Variants in SGCZ observed in about 807,000 individuals in gnomAD.
SGCZ encodes sarcoglycan zeta.
A neutral mutation model predicts 41.3 loss-of-function variants in SGCZ; 40 were observed. The ratio of observed to expected loss-of-function variants is 0.97; its 90% CI spans 0.75 to 1.26. The LOEUF (loss-of-function observed/expected upper bound fraction) is 1.26, where lower values mean the gene tolerates loss of function less well. SGCZ is among the 50% of genes most tolerant of loss of function. The probability of loss-of-function intolerance (pLI) is 0.00; values close to 1 mark genes in which losing one functional copy is unlikely to be tolerated. For synonymous variants in SGCZ, 206 were observed against 137.5 expected, an observed-to-expected ratio of 1.50 and a Z score of -3.49; for missense variants, 552 against 369.8, an observed-to-expected ratio of 1.49 and a Z score of -4.04.
At chr8:14,899,983 G>A (rs1436657221) in intron 1 of SGCZ, among the ~76,000 whole-genome samples, 3 of 152,108 alleles carry the variant, frequency 2.0e-5, no homozygotes, top group Admixed American at 6.5e-5. Context: ...AAGGTTTAAC[G>A]TGGGGTGTTA....
intron 1 of SGCZ, among the ~76,000 whole-genome samples, chr8:14,785,400 T>A (rs1800736494): frequency 6.6e-6 from 1 of 152,176 alleles, no homozygotes; most frequent in South Asian, 2.1e-4. Context: ...CTCTGAAATC[T>A]GTATCCATAT....
intron 1 of SGCZ, among the ~76,000 whole-genome samples, chr8:14,707,341 A>G (rs375819102): frequency 3.0e-4 from 45 of 152,146 alleles, no homozygotes; most frequent in African/African-American, 1.0e-3. Context: ...GTATTCAGCC[A>G]TTAGAAAATT....
intron 2 of SGCZ, among the ~76,000 whole-genome samples, chr8:14,347,660 A>G (rs1446084253): frequency 6.6e-6 from 1 of 151,760 alleles, no homozygotes; most frequent in East Asian, 1.9e-4. Context: ...AAATCTCAAG[A>G]TTAAATAAAA....
intron 5 of SGCZ, among the ~76,000 whole-genome samples, chr8:14,112,284 G>T (rs757151749): frequency 3.3e-4 from 23 of 69,198 alleles, no homozygotes; most frequent in African/African-American, 9.5e-4. Context: ...TTTTTTTTGT[G>T]GGGGGGGGGT....
At chr8:14,907,511 G>T (rs146180279) in intron 1 of SGCZ, among the ~76,000 whole-genome samples, 1 of 152,010 alleles carries the variant, frequency 6.6e-6, no homozygotes, top group Non-Finnish European at 1.5e-5. Flanking sequence ...AAGAAGTGCC[G>T]CTTCAACTAT....
intron 1 of SGCZ, among the ~76,000 whole-genome samples, chr8:14,678,136 T>C (rs533508428): frequency 6.6e-6 from 1 of 152,182 alleles, no homozygotes; most frequent in African/African-American, 2.4e-5. Context: ...TTTGGCAATG[T>C]TGACGTAGAT....
At chr8:15,190,719 G>T (rs1193116963) in intron 1 of SGCZ, among the ~76,000 whole-genome samples, 2 of 151,110 alleles carry the variant, frequency 1.3e-5, no homozygotes. Flanking sequence ...ATGGGGTTAG[G>T]TTTGTCAGCA....
chr8:14,287,730 T>A (rs1205343763), intron 3 of SGCZ, among the ~76,000 whole-genome samples: 1 of 152,122 alleles, frequency 6.6e-6, no homozygotes, highest in Non-Finnish European at 1.5e-5. Flanking sequence ...CCCGATTGGA[T>A]TCAGCTGTCA....
intron 2 of SGCZ, among the ~76,000 whole-genome samples, chr8:14,479,745 T>TTTTTA (rs1801476887): frequency 2.9e-5 from 3 of 102,022 alleles, no homozygotes; most frequent in Non-Finnish European, 6.3e-5. Context: ...TTTTTTTTTT[T>TTTTTA]TTTTTTTTTT....
At chr8:14,273,793 T>C (rs1435462827) in intron 3 of SGCZ, among the ~76,000 whole-genome samples, 1 of 152,174 alleles carries the variant, frequency 6.6e-6, no homozygotes, top group Non-Finnish European at 1.5e-5. Flanking sequence ...AGCATCGTAA[T>C]AGCCTCTCGA....
rs151153982 is a variant in SGCZ, at chr8:15,054,612, C to T, written c.39+182973G>A. Reference sequence around the variant, plus strand: ...TTAATACTTGAATGTGTTAGCTCTACCATTCACTAGGTATGTAACCTTTGA... The same window carrying T: ...TTAATACTTGAATGTGTTAGCTCTATCATTCACTAGGTATGTAACCTTTGA... On this transcript the variant is annotated intron_variant, in intron 1 of 7. Transcript: ENST00000382080. Among the ~76,000 whole-genome samples, 590 of 152,250 alleles carry T rather than the reference C, an allele frequency of 3.9e-3. 3 individuals are homozygous for T. Among genetic ancestry groups the T allele is most frequent in the Middle Eastern group, 0.027 (8 of 292 alleles).
chr8:14,649,535 T>G (rs528661308), intron 1 of SGCZ, among the ~76,000 whole-genome samples: 87 of 152,212 alleles, frequency 5.7e-4, no homozygotes, highest in African/African-American at 2.0e-3. Flanking sequence ...AGCCTGTATC[T>G]GAGATAGTGT....
At chr8:14,977,054 A>G (rs1263221618) in intron 1 of SGCZ, among the ~76,000 whole-genome samples, 1 of 152,234 alleles carries the variant, frequency 6.6e-6, no homozygotes, top group Non-Finnish European at 1.5e-5. Context: ...GTCTTTGCCC[A>G]CAAAGAAGTT....
intron 2 of SGCZ, among the ~76,000 whole-genome samples, chr8:14,338,397 G>C (rs1802574279): frequency 6.6e-6 from 1 of 152,112 alleles, no homozygotes; most frequent in Admixed American, 6.5e-5. Context: ...TTATGTAACT[G>C]ACCAAAAATG....
At chr8:14,282,617 G>A (rs978206802) in intron 3 of SGCZ, among the ~76,000 whole-genome samples, 4 of 152,056 alleles carry the variant, frequency 2.6e-5, no homozygotes, top group African/African-American at 9.7e-5. Context: ...ATGCTAACAT[G>A]AGAAAGGAGA....
intron 2 of SGCZ, among the ~76,000 whole-genome samples, chr8:14,326,593 T>A (rs1017078520): frequency 6.6e-6 from 1 of 152,198 alleles, no homozygotes; most frequent in African/African-American, 2.4e-5. Context: ...AAGAAATTTG[T>A]TCCTTGAGGC....
At chr8:14,261,704 A>T (rs2117236008) in intron 3 of SGCZ, among the ~76,000 whole-genome samples, 1 of 152,294 alleles carries the variant, frequency 6.6e-6, no homozygotes, top group Non-Finnish European at 1.5e-5. Flanking sequence ...TGAACAAAAG[A>T]ATGATCAAAC....
At chr8:14,690,770 C>T (rs917435079) in intron 1 of SGCZ, among the ~76,000 whole-genome samples, 1 of 152,094 alleles carries the variant, frequency 6.6e-6, no homozygotes, top group South Asian at 2.1e-4. Context: ...TGACCTTCCC[C>T]AAGTGTTTTT....
At chr8:14,513,577 G>C (rs559993138) in intron 2 of SGCZ, among the ~76,000 whole-genome samples, 11 of 105,668 alleles carry the variant, frequency 1.0e-4, no homozygotes, top group African/African-American at 4.4e-4. Flanking sequence ...AGCCCTTTCA[G>C]TCTATTTAAT....
Sources: allele counts gnomAD v4.1 joint callset (sites outside exome capture counted in the v4.1 genomes callset), GRCh38; gene constraint gnomAD v4.1.1; transcripts MANE v1.5; gene names NCBI Gene and HGNC (gene_info 2026-07-23, HGNC 2026-07-21).